POM121: variants seen among roughly 807,000 people sequenced by gnomAD.
POM121 encodes nuclear envelope pore membrane protein POM 121.
POM121 carries 32 observed loss-of-function variants against 81.3 expected under a neutral mutation model. The ratio of observed to expected loss-of-function variants is 0.39; its 90% CI spans 0.30 to 0.53. The LOEUF (loss-of-function observed/expected upper bound fraction) is 0.53. Among genes scored for constraint, POM121 ranks in the 20% least tolerant of loss-of-function variants. The pLI is 0.66. For synonymous variants in POM121, 514 were observed against 694.2 expected (o/e 0.74, Z 4.08); for missense variants, 1,138 against 1,614.6 (o/e 0.70, Z 5.06).
chr7:72,925,136 T>TGCGGCGGCTGGAGCAGGCGA lies in POM121; in HGVS notation c.24_43dup (p.Arg15LeufsTer10). On this transcript the variant is annotated frameshift_variant, in exon 1 of 13. Coordinates refer to ENST00000434423, the MANE Select transcript of POM121 (RefSeq NM_001387691.1). LOFTEE classifies it high-confidence loss of function. ...GCGGAGCCGCGATGTCTCCGGCGGCTGCGGCGGCTGGAGCAGGCGAGCGGC... is the reference window on the plus strand; with the variant it reads ...GCGGAGCCGCGATGTCTCCGGCGGCTGCGGCGGCTGGAGCAGGCGAGCGGCGGCTGGAGCAGGCGAGCGGC... The TGCGGCGGCTGGAGCAGGCGA allele has an allele frequency of 2.1e-6, 3 of 1,439,560 alleles. No homozygotes were observed. The highest frequency in any genetic ancestry group is 2.9e-5 in the East Asian group (1 of 34,388). The allele number at this position is 1,439,560 out of a possible 1,614,324, so 89.2% of individuals were successfully genotyped here. A position where few individuals can be genotyped will look rare whatever the true frequency, so the allele number is the denominator to read the frequency against.
chr7:72,949,239 C>T (rs1586203827), downstream of POM121: 1 of 839,404 alleles, frequency 1.2e-6, no homozygotes. Context: ...AGAACTAAGA[C>T]CAAAACAGAT....
At chr7:72,903,644 A>C (rs149257829) in intron 3 of POM121, among the ~76,000 whole-genome samples, 2 of 152,302 alleles carry the variant, frequency 1.3e-5, no homozygotes, top group East Asian at 3.8e-4. Flanking sequence ...CTAGTGTTTT[A>C]ACAGAGATTT....
At chr7:72,949,783 C>G, downstream of POM121, 1 of 959,304 alleles carries the variant, frequency 1.0e-6, no homozygotes, top group East Asian at 2.4e-5. Context: ...TTTCAGCCTT[C>G]ATTACCCACT....
intron 5 of POM121, among the ~76,000 whole-genome samples, chr7:72,932,566 T>A (rs557029874): frequency 2.2e-4 from 33 of 152,370 alleles, no homozygotes; most frequent in African/African-American, 7.5e-4. Context: ...CTCTGGAAAG[T>A]TCCTAGAAGT....
At chr7:72,932,541 C>A (rs1359729426) in intron 5 of POM121, among the ~76,000 whole-genome samples, 2 of 152,212 alleles carry the variant, frequency 1.3e-5, no homozygotes, top group Non-Finnish European at 2.9e-5. Flanking sequence ...GTCATTTCAT[C>A]CTTGGCAATT....
chr7:72,930,247 G>A lies in POM121; in HGVS notation c.1275+136G>A, dbSNP rs1795881798. On this transcript the variant is annotated intron_variant, in intron 5 of 12. Coordinates refer to ENST00000434423, the MANE Select transcript of POM121 (RefSeq NM_001387691.1). ...AAGCGGGAGGATTGCTTGAGCCCAG[G>A]AGTTCAAAACCAGCCTGGGCAATAT... 4.7e-6 allele frequency: 6 copies of A among 1,271,760 alleles called. No homozygotes were observed. In the East Asian group the frequency reaches 1.5e-4, roughly 31 times the overall value. The allele number at this position is 1,271,760 out of a possible 1,614,324, so 78.8% of individuals were successfully genotyped here.
upstream of POM121, among the ~76,000 whole-genome samples, chr7:72,922,589 T>C (rs529841869): frequency 6.7e-4 from 102 of 151,744 alleles, 1 homozygote; most frequent in Admixed American, 5.1e-3. Flanking sequence ...CTGGGTTCTA[T>C]CATGTTGCCT....
downstream of POM121, chr7:72,949,966 C>G (rs373876764): frequency 3.7e-6 from 6 of 1,609,924 alleles, no homozygotes. Flanking sequence ...GCTGGCCTGG[C>G]AGGCAGAACA....
rs1797808689 is a variant in POM121 at position 72,948,020 on chromosome 7, A to G, written c.*1786A>G. 4 of 1,153,320 alleles carry G rather than the reference A, an allele frequency of 3.5e-6. No individual in the cohort carries two copies. The highest frequency in any genetic ancestry group is 4.3e-6 in the Non-Finnish European group (4 of 931,274). The allele number at this position is 1,153,320 out of a possible 1,614,324, so 71.4% of individuals were successfully genotyped here. On this transcript the variant is annotated 3_prime_UTR_variant, in exon 13 of 13. Coordinates refer to ENST00000434423, the MANE Select transcript of POM121 (RefSeq NM_001387691.1). ...GGTCTGGGTGGGCCTGGGCCTAGCA[A>G]TCAAGCTTCTACCTGTACCTTATGT...
In POM121 at chr7:72,946,518, T is replaced by G; in HGVS notation, c.*284T>G. The G allele has an allele frequency of 4.1e-6, 5 of 1,209,876 alleles. No homozygotes were observed. Among genetic ancestry groups the G allele is most frequent in the Non-Finnish European group, 5.2e-6 (5 of 968,956 alleles). 74.9% of individuals were successfully genotyped at this position (1,209,876 alleles called of 1,614,324 possible). A position where few individuals can be genotyped will look rare whatever the true frequency, so the allele number is the denominator to read the frequency against. On this transcript the variant is annotated 3_prime_UTR_variant, in exon 13 of 13. Coordinates refer to ENST00000434423, the MANE Select transcript of POM121 (RefSeq NM_001387691.1). ...ACTAAGGAAACACCTGTACATAGTG[T>G]CCGCTGCCCTGACTCCCGCTTAGCA...
chr7:72,937,035 T>G (rs1257589403), intron 5 of POM121, among the ~76,000 whole-genome samples: 2 of 151,882 alleles, frequency 1.3e-5, no homozygotes, highest in African/African-American at 2.4e-5. Flanking sequence ...GGCAGGCAGA[T>G]CACGAGGTCA....
intron 10 of POM121, 142 bp from the exon 11 acceptor site, chr7:72,941,695 C>T: frequency 1.0e-6 from 1 of 990,212 alleles, no homozygotes; most frequent in Non-Finnish European, 1.5e-6. Flanking sequence ...CTGTACAGGC[C>T]TGTAGTGTAG....
chr7:72,905,262 C>T (rs1793126784), intron 3 of POM121, among the ~76,000 whole-genome samples: 1 of 152,204 alleles, frequency 6.6e-6, no homozygotes, highest in African/African-American at 2.4e-5. Context: ...TCCCTTGCGA[C>T]TTACTCTTTG....
At chr7:72,948,791 G>A (rs1554504019), downstream of POM121, 3 of 1,572,634 alleles carry the variant, frequency 1.9e-6, no homozygotes, top group Admixed American at 3.3e-5. Flanking sequence ...GGGCCGGGCA[G>A]GCAGGGCGGG....
intron 10 of POM121, 143 bp from the exon 11 acceptor site, chr7:72,941,694 C>G (rs1797083532): frequency 7.0e-6 from 7 of 994,348 alleles, no homozygotes; most frequent in African/African-American, 3.3e-5. Context: ...ACTGTACAGG[C>G]CTGTAGTGTA....
At position 72,925,354 on chromosome 7, in the gene POM121, C is replaced by T. The variant is rs1178303215; in HGVS notation, c.233C>T (p.Pro78Leu). The T allele has an allele frequency of 3.3e-6, 5 of 1,523,018 alleles. No homozygotes were observed. In the East Asian group the frequency reaches 9.8e-5, roughly 30 times the overall value. The allele number at this position is 1,523,018 out of a possible 1,614,324, so 94.3% of individuals were successfully genotyped here. Residue 78 changes from proline (P) to leucine (L), a missense_variant, in exon 1 of 13, where the codon CCC becomes CTC. Transcript: ENST00000434423. ...GLSREPRGSR[P>L]LSSFVRKARH... ...AGCCGCGAGCCCCGAGGTTCGCGCC[C>T]CTTGTCCTCCTTCGTTCGGAAGGCG... is the stretch of plus-strand genomic sequence containing the variant.
chr7:72,923,621 A>C (rs1795044468), upstream of POM121, among the ~76,000 whole-genome samples: 1 of 92,848 alleles, frequency 1.1e-5, no homozygotes, highest in Non-Finnish European at 2.0e-5. Flanking sequence ...TTTTTTTGAG[A>C]CGGAGTCTCG....
At chr7:72,898,466 G>A (rs1384048167) in intron 3 of POM121, among the ~76,000 whole-genome samples, 1 of 151,998 alleles carries the variant, frequency 6.6e-6, no homozygotes, top group African/African-American at 2.4e-5. Context: ...GCATATGTTG[G>A]TTTTGAGTTT....
chr7:72,929,375 G>A, intron 4 of POM121, among the ~76,000 whole-genome samples: 1 of 152,184 alleles, frequency 6.6e-6, no homozygotes, highest in East Asian at 1.9e-4. Context: ...GGTCACTCTA[G>A]GAGAGAGTTG....
Sources: gnomAD v4.1 joint callset for allele counts (sites outside exome capture counted in the v4.1 genomes callset) on GRCh38, gnomAD v4.1.1 for gene constraint, MANE v1.5 for transcripts, NCBI Gene and HGNC (gene_info 2026-07-23, HGNC 2026-07-21) for gene names.